Variants in MRPL13 observed in about 807,000 individuals in gnomAD.
MRPL13 encodes large ribosomal subunit protein uL13m.
Under a neutral mutation model 29.0 loss-of-function variants are expected in MRPL13, and 33 were observed. The observed-to-expected ratio is 1.14, with a 90% CI of 0.86 to 1.52. MRPL13 has a LOEUF of 1.52. MRPL13 is among the 40% of genes most tolerant of loss of function. The probability of loss-of-function intolerance (pLI) is 0.00; values close to 1 mark genes in which losing one functional copy is unlikely to be tolerated. For synonymous variants in MRPL13, 77 were observed against 68.4 expected, an observed-to-expected ratio of 1.13 and a Z score of -0.62; for missense variants, 227 against 216.7, an observed-to-expected ratio of 1.05 and a Z score of -0.30.
intron 5 of MRPL13, chr8:120,415,418 A>T (rs1024268515): frequency 2.0e-5 from 3 of 152,294 alleles, no homozygotes; most frequent in Admixed American, 2.0e-4. Flanking sequence ...GCATCAAATA[A>T]GGCAGCACTT....
chr8:120,413,459 T>C (rs1197506501), intron 6 of MRPL13, among the ~76,000 whole-genome samples: 3 of 152,182 alleles, frequency 2.0e-5, no homozygotes, highest in Admixed American at 2.0e-4. Flanking sequence ...TGCTTCATCA[T>C]CTGGATAGCC....
rs117536858 is a variant in MRPL13 at position 120,444,935 on chromosome 8, T to C, written c.27+133A>G. ...TGCCAGACTGACGACCCTCTTGTGC[T>C]TTCCCAAGTCACCTCTTGGCCGAGG... On this transcript the variant is annotated intron_variant, in intron 1 of 6. Coordinates refer to ENST00000306185, the MANE Select transcript of MRPL13 (RefSeq NM_014078.6). The C allele has an allele frequency of 3.8e-3, 4,470 of 1,168,980 alleles. 12 individuals carry two copies. The highest frequency in any genetic ancestry group is 5.0e-3 in the Non-Finnish European group (3,940 of 788,684). The allele number at this position is 1,168,980 out of a possible 1,614,324, so 72.4% of individuals were successfully genotyped here.
chr8:120,435,889 A>C (rs1245133557), intron 2 of MRPL13, among the ~76,000 whole-genome samples: 1 of 152,112 alleles, frequency 6.6e-6, no homozygotes. Context: ...CGATATGGGC[A>C]TCTTTTCATT....
intron 3 of MRPL13, among the ~76,000 whole-genome samples, chr8:120,429,300 A>C (rs1812970677): frequency 6.6e-6 from 1 of 151,952 alleles, no homozygotes; most frequent in South Asian, 2.1e-4. Context: ...TCAATGATGA[A>C]AACACAAGTA....
At chr8:120,419,287 C>T (rs1202923281) in intron 5 of MRPL13, among the ~76,000 whole-genome samples, 2 of 151,832 alleles carry the variant, frequency 1.3e-5, no homozygotes, top group African/African-American at 4.8e-5. Flanking sequence ...ATTATAGAAG[C>T]TTTAATATTT....
intron 6 of MRPL13, among the ~76,000 whole-genome samples, chr8:120,396,828 T>A (rs949694492): frequency 2.0e-5 from 3 of 152,180 alleles, no homozygotes; most frequent in Admixed American, 2.0e-4. Flanking sequence ...CCATATGGAA[T>A]TTTCTGAAGG....
intron 3 of MRPL13, 107 bp from the exon 4 acceptor site, chr8:120,425,473 C>T (rs1812922335): frequency 5.1e-6 from 4 of 779,374 alleles, no homozygotes; most frequent in African/African-American, 1.8e-5. Flanking sequence ...TTTCTCGAAA[C>T]TGCTTTTCAT....
chr8:120,428,126 TAAAA>T (rs144856034), intron 3 of MRPL13, among the ~76,000 whole-genome samples: 4 of 110,370 alleles, frequency 3.6e-5, no homozygotes, highest in Non-Finnish European at 3.9e-5. Flanking sequence ...ATGGTACTGA[TAAAA>T]AAAAAAAAAA....
Position 120,409,723 on chromosome 8 carries a change from C to T in MRPL13, c.515+4268G>A, listed in dbSNP as rs186228150. On this transcript the variant is annotated intron_variant, in intron 6 of 6. Transcript: ENST00000306185. ...GATTTATGTAAAATATACTAATACA[C>T]CAAGAATATCCACTAACTTAAGAAG... 5.3e-5 allele frequency among the ~76,000 whole-genome samples: 8 copies of T among 152,092 alleles called. No individual in the cohort carries two copies. In the East Asian group the frequency reaches 1.5e-3, roughly 29 times the overall value.
At chr8:120,418,628 G>A (rs11997593) in intron 5 of MRPL13, among the ~76,000 whole-genome samples, 2,926 of 151,930 alleles carry the variant, frequency 0.019, 94 homozygotes, top group African/African-American at 0.067. Flanking sequence ...CGGAACTATC[G>A]TGAATACTTA....
At chr8:120,396,849 C>G (rs1173693833) in intron 6 of MRPL13, among the ~76,000 whole-genome samples, 2 of 152,178 alleles carry the variant, frequency 1.3e-5, no homozygotes, top group African/African-American at 4.8e-5. Context: ...AAGTTGGTAA[C>G]AAACTAAACA....
chr8:120,436,513 C>G (rs1041718513), intron 2 of MRPL13, among the ~76,000 whole-genome samples: 13 of 151,926 alleles, frequency 8.6e-5, no homozygotes, highest in Admixed American at 3.3e-4. Flanking sequence ...TGTTTTTTTA[C>G]TGTTGAGTTT....
At chr8:120,409,218 A>C (rs1363651852) in intron 6 of MRPL13, among the ~76,000 whole-genome samples, 1 of 152,208 alleles carries the variant, frequency 6.6e-6, no homozygotes, top group Non-Finnish European at 1.5e-5. Context: ...TGCTTAAAAC[A>C]AGCATTTCTT....
intron 4 of MRPL13, among the ~76,000 whole-genome samples, chr8:120,420,616 G>A (rs1812861393): frequency 6.6e-6 from 1 of 151,416 alleles, no homozygotes; most frequent in African/African-American, 2.4e-5. Context: ...ATGTTTGACA[G>A]TGCAGACACA....
chr8:120,432,117 C>T lies in MRPL13; in HGVS notation c.158G>A (p.Cys53Tyr), dbSNP rs759165600. Residue 53 changes from cysteine (C) to tyrosine (Y), a missense_variant, in exon 3 of 7, where the codon TGT (cysteine) becomes TAT (tyrosine). Transcript: ENST00000306185. ...HKPVYHALSD[C>Y]GDHVVIMNTR... ...GTTCATTATAACAACATGATCCCCA[C>T]AGTCACCTACATTTTAAAAAGAAAC... is the stretch of plus-strand genomic sequence containing the variant. 1.3e-6 allele frequency: 2 copies of T among 1,574,312 alleles called. No homozygotes were observed. The highest frequency in any genetic ancestry group is 3.8e-5 in the Admixed American group (2 of 51,970).
chr8:120,400,977 C>A (rs979095616), intron 6 of MRPL13, among the ~76,000 whole-genome samples: 5 of 151,926 alleles, frequency 3.3e-5, no homozygotes, highest in Non-Finnish European at 7.4e-5. Flanking sequence ...CCTGAATAGA[C>A]CCATAATTCT....
chr8:120,425,896 G>A (rs1021439059), intron 3 of MRPL13, among the ~76,000 whole-genome samples: 1 of 151,968 alleles, frequency 6.6e-6, no homozygotes, highest in Non-Finnish European at 1.5e-5. Context: ...TGTTCAGATC[G>A]ATTATTCTTT....
At chr8:120,400,659 C>CA (rs200298026) in intron 6 of MRPL13, among the ~76,000 whole-genome samples, 2,121 of 145,732 alleles carry the variant, frequency 0.015, 40 homozygotes, top group African/African-American at 0.047. Flanking sequence ...AAAAATCCTT[C>CA]AAAAAAAAAT....
chr8:120,416,279 G>A (rs963297654), intron 5 of MRPL13, among the ~76,000 whole-genome samples: 1 of 152,118 alleles, frequency 6.6e-6, no homozygotes, highest in African/African-American at 2.4e-5. Context: ...TGGATCACGA[G>A]GTCAGGAGAT....
Sources: allele counts gnomAD v4.1 joint callset (sites outside exome capture counted in the v4.1 genomes callset), GRCh38; gene constraint gnomAD v4.1.1; transcripts MANE v1.5; gene names NCBI Gene and HGNC (gene_info 2026-07-23, HGNC 2026-07-21).